The following SETD5 variants were observed in gnomAD, a reference collection of about 807,000 sequenced individuals.
SETD5 encodes the protein histone-lysine N-methyltransferase SETD5.
In SETD5, 44 loss-of-function variants were observed where a neutral mutation model predicts 153.3. That is an observed-to-expected ratio of 0.29 (90% CI 0.23 to 0.37). The LOEUF (loss-of-function observed/expected upper bound fraction) is 0.37, where lower values mean the gene tolerates loss of function less well. Among genes scored for constraint, SETD5 ranks in the 10% least tolerant of loss-of-function variants. The pLI, the probability that SETD5 is intolerant of heterozygous loss-of-function variation, is 1.00. For missense variants in SETD5, 1,544 were observed against 1,768.0 expected (o/e 0.87, Z 2.27); for synonymous variants, 716 against 645.2 (o/e 1.11, Z -1.66).
chr3:9,411,649 G>A (rs1447607080), intron 1 of SETD5, among the ~76,000 whole-genome samples: 1 of 152,226 alleles, frequency 6.6e-6, no homozygotes, highest in Non-Finnish European at 1.5e-5. Flanking sequence ...TTGAGTTAAT[G>A]CATGAAAAGT....
At chr3:9,465,668 A>T (rs2044469772) in intron 18 of SETD5, among the ~76,000 whole-genome samples, 1 of 152,252 alleles carries the variant, frequency 6.6e-6, no homozygotes, top group Non-Finnish European at 1.5e-5. Flanking sequence ...CATTGAAAGC[A>T]GAACTGTATT....
chr3:9,441,484 C>G, intron 8 of SETD5, 109 bp from the exon 9 acceptor site: 1 of 1,044,574 alleles, frequency 9.6e-7, no homozygotes, highest in South Asian at 1.5e-5. Flanking sequence ...ATAACATGTA[C>G]AGATAAAACC....
In SETD5 at chr3:9,434,760, A is replaced by G. The variant is rs1003486128; in HGVS notation, c.330-64A>G. 35 of 1,551,966 alleles carry G rather than the reference A, an allele frequency of 2.3e-5. No individual in the cohort carries two copies. Among genetic ancestry groups the G allele is most frequent in the South Asian group, 3.6e-5 (3 of 82,316 alleles). On this transcript the variant is annotated intron_variant, in intron 5 of 22. Transcript: ENST00000402198. The surrounding 1 kb of genome is among the most constrained non-coding windows in gnomAD (Gnocchi z 5.6). ...TAGCATATGCAGAGACACTTCGCCC[A>G]TGTGTGCTATGATGTGATGCATGCT... is the stretch of plus-strand genomic sequence containing the variant.
At chr3:9,446,401 A>T (rs1485096498) in intron 13 of SETD5, among the ~76,000 whole-genome samples, 1 of 151,432 alleles carries the variant, frequency 6.6e-6, no homozygotes, top group Non-Finnish European at 1.5e-5. Flanking sequence ...GTGAGTTCTG[A>T]AGTTTTTTTA....
chr3:9,423,890 T>C (rs1486030215), intron 1 of SETD5, among the ~76,000 whole-genome samples: 2 of 152,238 alleles, frequency 1.3e-5, no homozygotes, highest in East Asian at 3.8e-4. Context: ...GAAAATTAAT[T>C]TAAGCGCCAT....
chr3:9,417,508 C>T lies in SETD5; in HGVS notation c.-176-6959C>T, dbSNP rs776092602. On this transcript the variant is annotated intron_variant, in intron 1 of 22. Transcript: ENST00000402198. Reference sequence around the variant, plus strand: ...CTTTTTTTTTTTTTTCCCCCCGAGACGGAGTCTCGCTCTATCGCCCAGGCT... The same window carrying T: ...CTTTTTTTTTTTTTTCCCCCCGAGATGGAGTCTCGCTCTATCGCCCAGGCT... Among the ~76,000 whole-genome samples the T allele has an allele frequency of 5.3e-5, 8 of 150,390 alleles. No individual in the cohort carries two copies. The East Asian group carries it at 1.4e-3, about 26-fold the overall frequency.
chr3:9,445,379 A>G (rs2041816661), intron 12 of SETD5, 79 bp downstream of exon 12: 1 of 1,470,374 alleles, frequency 6.8e-7, no homozygotes. Context: ...CGCATGGTTT[A>G]AGTAGGGGAG....
At chr3:9,447,562 A>G (rs2042161126) in intron 14 of SETD5, 124 bp from the exon 15 acceptor site, 2 of 1,179,924 alleles carry the variant, frequency 1.7e-6, no homozygotes, top group Non-Finnish European at 2.4e-6. Flanking sequence ...TAGATTTTAA[A>G]TTAGTGTTTC....
At chr3:9,441,791 C>T (rs1434904295) in intron 9 of SETD5, 50 bp downstream of exon 9, 3 of 1,609,042 alleles carry the variant, frequency 1.9e-6, no homozygotes, top group East Asian at 4.5e-5. Context: ...ACCTGGTTGA[C>T]CAGTGTTGTT....
intron 1 of SETD5, 142 bp downstream of exon 1, chr3:9,398,119 T>G (rs2033992938): frequency 6.6e-6 from 1 of 151,972 alleles, no homozygotes; most frequent in African/African-American, 2.4e-5. Context: ...TGCTGCCACT[T>G]CTCACCCCCC....
At chr3:9,431,515 T>C in intron 3 of SETD5, 3 of 974,586 alleles carry the variant, frequency 3.1e-6, no homozygotes, top group Non-Finnish European at 3.7e-6. Context: ...TGTAGTTACC[T>C]GTAAGTGTCT....
intron 8 of SETD5, among the ~76,000 whole-genome samples, chr3:9,441,350 G>GT: frequency 6.7e-6 from 1 of 149,268 alleles, no homozygotes; most frequent in African/African-American, 2.5e-5. Flanking sequence ...TCTTAATCAT[G>GT]TATTTTTTTT....
chr3:9,421,371 C>T (rs2038369152), intron 1 of SETD5, among the ~76,000 whole-genome samples: 1 of 151,884 alleles, frequency 6.6e-6, no homozygotes. Context: ...CTCCTGGGCT[C>T]AAGCAATCCT....
intron 20 of SETD5, among the ~76,000 whole-genome samples, chr3:9,473,841 C>A (rs2045584640): frequency 6.6e-6 from 1 of 152,194 alleles, no homozygotes; most frequent in African/African-American, 2.4e-5. Flanking sequence ...TTTCTCATTT[C>A]ACATGAAAGG....
intron 15 of SETD5, 33 bp from the exon 16 acceptor site, chr3:9,448,355 A>G (rs1559438039): frequency 1.9e-6 from 3 of 1,607,144 alleles, no homozygotes; most frequent in Non-Finnish European, 2.6e-6. Context: ...CTACCTCTTG[A>G]TTTATAAACT....
At chr3:9,444,289 T>C (rs2041669372) in intron 11 of SETD5, among the ~76,000 whole-genome samples, 1 of 152,176 alleles carries the variant, frequency 6.6e-6, no homozygotes, top group Admixed American at 6.5e-5. Flanking sequence ...AAATAGAGGT[T>C]ATGTGGTAAA....
chr3:9,402,537 T>G (rs1392124302), intron 1 of SETD5, among the ~76,000 whole-genome samples: 1 of 152,142 alleles, frequency 6.6e-6, no homozygotes, highest in South Asian at 2.1e-4. Flanking sequence ...TTAAAACACT[T>G]AAGTTTTTAC....
chr3:9,466,309 A>G (rs78310201), intron 18 of SETD5, among the ~76,000 whole-genome samples: 2 of 144,958 alleles, frequency 1.4e-5, no homozygotes, highest in African/African-American at 5.2e-5. Flanking sequence ...AAAAAAAAAA[A>G]GAAAATCAGA....
At chr3:9,432,177 G>A (rs776538610) in intron 3 of SETD5, 17 of 466,992 alleles carry the variant, frequency 3.6e-5, no homozygotes, top group Admixed American at 6.4e-5. Flanking sequence ...CCCCTCCCCC[G>A]TTCCCATCTT....
Sources: allele counts gnomAD v4.1 joint callset (sites outside exome capture counted in the v4.1 genomes callset), GRCh38; gene constraint gnomAD v4.1.1; non-coding constraint Gnocchi (gnomAD v3.1); transcripts MANE v1.5; gene names NCBI Gene and HGNC (gene_info 2026-07-23, HGNC 2026-07-21).